Variants in NTF3 observed in about 807,000 individuals in gnomAD.
NTF3 encodes neurotrophin-3.
A neutral mutation model predicts 26.3 loss-of-function variants in NTF3; 8 were observed. That is an observed-to-expected ratio of 0.30 (90% CI 0.18 to 0.55). The LOEUF is 0.55. Ranked by LOEUF, NTF3 falls within the 20% of genes least tolerant of loss-of-function variation. The pLI, the probability that NTF3 is intolerant of heterozygous loss-of-function variation, is 0.93. For missense variants in NTF3, 276 were observed against 352.9 expected (o/e 0.78, Z 1.75); for synonymous variants, 154 against 145.5 (o/e 1.06, Z -0.42).
chr12:5,436,017 G>A (rs565354598), intron 1 of NTF3, among the ~76,000 whole-genome samples: 2 of 152,170 alleles, frequency 1.3e-5, no homozygotes, highest in South Asian at 2.1e-4. Context: ...CATCTTTAGC[G>A]AAAAAAGGTG....
At chr12:5,449,755 G>A (rs1268456068) in intron 1 of NTF3, among the ~76,000 whole-genome samples, 1 of 152,202 alleles carries the variant, frequency 6.6e-6, no homozygotes, top group Non-Finnish European at 1.5e-5. Context: ...ACTGGTTTGT[G>A]AAACCCCAGG....
intron 1 of NTF3, among the ~76,000 whole-genome samples, chr12:5,489,365 A>C (rs1347552731): frequency 1.3e-5 from 2 of 152,160 alleles, no homozygotes; most frequent in East Asian, 3.9e-4. Flanking sequence ...AACTCTCTAG[A>C]ATGTTTGAGA....
intron 1 of NTF3, among the ~76,000 whole-genome samples, chr12:5,487,865 T>A (rs1940886336): frequency 6.6e-6 from 1 of 152,176 alleles, no homozygotes; most frequent in Admixed American, 6.5e-5. Flanking sequence ...ACTAGCTGTT[T>A]CTCCTCTAGC....
upstream of NTF3, among the ~76,000 whole-genome samples, chr12:5,431,536 C>G (rs1474449139): frequency 1.3e-5 from 2 of 151,054 alleles, no homozygotes; most frequent in African/African-American, 2.4e-5. Context: ...TGGGCGTGTT[C>G]GTGCTGTGGG....
At chr12:5,430,989 T>TC (rs1297851253), upstream of NTF3, among the ~76,000 whole-genome samples, 1 of 151,554 alleles carries the variant, frequency 6.6e-6, no homozygotes, top group Non-Finnish European at 1.5e-5. Flanking sequence ...GTGGTATTTT[T>TC]CCCCCTTCTC....
At chr12:5,443,428 G>C (rs1008876324) in intron 1 of NTF3, among the ~76,000 whole-genome samples, 2 of 152,176 alleles carry the variant, frequency 1.3e-5, no homozygotes, top group Non-Finnish European at 2.9e-5. Flanking sequence ...GCAGGAGAGA[G>C]AGAATTTCCC....
chr12:5,448,875 C>A (rs1255386015), intron 1 of NTF3, among the ~76,000 whole-genome samples: 1 of 152,200 alleles, frequency 6.6e-6, no homozygotes, highest in Non-Finnish European at 1.5e-5. Flanking sequence ...TGCCCAGTGA[C>A]TTAATGGGCA....
Position 5,494,608 on chromosome 12 carries a change from A to G in NTF3, c.433A>G (p.Arg145Gly), listed in dbSNP as rs1204465585. Residue 145 changes from arginine (R) to glycine (G), a missense_variant, in exon 2 of 2, where the codon AGA (arginine) becomes GGA (glycine). Physicochemically the swap from Arg to Gly is moderately radical, Grantham distance 125. Coordinates refer to ENST00000423158, the MANE Select transcript of NTF3 (RefSeq NM_001102654.2). The surrounding 1 kb of genome is among the most constrained non-coding windows in gnomAD (Gnocchi z 8.3). ...DYVGSPVVAN[R>G]TSRRKRYAEH... is the part of the protein sequence containing the mutation. ...CGTGGGCAGCCCCGTGGTGGCGAAC[A>G]GAACATCACGGCGGAAACGGTACGC... 2 of 1,614,144 alleles carry G rather than the reference A, an allele frequency of 1.2e-6. No homozygotes were observed. The highest frequency in any genetic ancestry group is 1.1e-5 in the South Asian group (1 of 91,074).
At chr12:5,483,256 T>G (rs2121239941) in intron 1 of NTF3, among the ~76,000 whole-genome samples, 1 of 152,182 alleles carries the variant, frequency 6.6e-6, no homozygotes, top group African/African-American at 2.4e-5. Flanking sequence ...GAAGTCTCCA[T>G]GAGCAGTGGG....
chr12:5,471,324 C>T lies in NTF3; in HGVS notation c.19-22870C>T, dbSNP rs532686108. Among the ~76,000 whole-genome samples the T allele has an allele frequency of 2.2e-4, 34 of 152,234 alleles. No homozygotes were observed. In the South Asian group the frequency reaches 3.3e-3, roughly 15 times the overall value. On this transcript the variant is annotated intron_variant, in intron 1 of 1. Transcript: ENST00000423158. ...CATTTTCCTTGTCGGGCTTTAGTTC[C>T]CTTATCTGTCACACAGAAGCACTGT...
chr12:5,461,272 C>T lies in NTF3; in HGVS notation c.18+28930C>T, dbSNP rs76575529. On this transcript the variant is annotated intron_variant, in intron 1 of 1. Transcript: ENST00000423158. Reference sequence around the variant, plus strand: ...CAGCATAGTCTGATTCGAGTTTAATCGCTTTAAAGGAGGCCCTGGGTAGGA... The same window carrying T: ...CAGCATAGTCTGATTCGAGTTTAATTGCTTTAAAGGAGGCCCTGGGTAGGA... 6.1e-3 allele frequency among the ~76,000 whole-genome samples: 922 copies of T among 152,242 alleles called. 10 individuals are homozygous for T. The highest frequency in any genetic ancestry group is 0.018 in the African/African-American group (743 of 41,522).
intron 1 of NTF3, among the ~76,000 whole-genome samples, chr12:5,482,173 C>T (rs1407408233): frequency 6.6e-6 from 1 of 151,978 alleles, no homozygotes; most frequent in Non-Finnish European, 1.5e-5. Flanking sequence ...CGTACACGAG[C>T]GCGCACACAC....
rs1940121463 is a variant in NTF3, at chr12:5,433,237, C to T, written c.18+895C>T. The T allele has an allele frequency of 6.6e-6, 1 of 152,146 alleles. No individual in the cohort carries two copies. The highest frequency in any genetic ancestry group is 2.4e-5 in the African/African-American group (1 of 41,426). 9.4% of individuals were successfully genotyped at this position (152,146 alleles called of 1,614,324 possible). ...CGGCGGGCACCCGGGCCCGGCCATC[C>T]CAGGGGATCTCCTTGCGGTATCGTC... On this transcript the variant is annotated intron_variant, in intron 1 of 1. Transcript: ENST00000423158. The surrounding 1 kb of genome is among the most constrained non-coding windows in gnomAD (Gnocchi z 4.6).
intron 1 of NTF3, among the ~76,000 whole-genome samples, chr12:5,475,379 G>A (rs983720145): frequency 6.6e-6 from 1 of 152,166 alleles, no homozygotes; most frequent in Admixed American, 6.5e-5. Context: ...GTGCAGGTGG[G>A]GATGATGGAC....
At chr12:5,459,564 C>A (rs993144119) in intron 1 of NTF3, among the ~76,000 whole-genome samples, 13 of 152,204 alleles carry the variant, frequency 8.5e-5, no homozygotes, top group Non-Finnish European at 1.5e-4. Context: ...CAGGGAGGAA[C>A]GTGCATATTG....
chr12:5,492,634 C>T (rs1940952070), intron 1 of NTF3, among the ~76,000 whole-genome samples: 2 of 152,168 alleles, frequency 1.3e-5, no homozygotes, highest in Non-Finnish European at 2.9e-5. Context: ...TTGGCTTTGA[C>T]CTTGAAGGAG....
At chr12:5,476,393 C>T (rs938332801) in intron 1 of NTF3, among the ~76,000 whole-genome samples, 2 of 152,052 alleles carry the variant, frequency 1.3e-5, no homozygotes, top group Admixed American at 6.6e-5. Flanking sequence ...GGAGGGAAGA[C>T]CTGAAATGAG....
intron 1 of NTF3, among the ~76,000 whole-genome samples, chr12:5,487,059 TC>T (rs1940875542): frequency 6.6e-6 from 1 of 152,214 alleles, no homozygotes; most frequent in South Asian, 2.1e-4. Context: ...TGCAGATCCT[TC>T]CTAGTCCACC....
At chr12:5,444,796 T>G (rs1940283711) in intron 1 of NTF3, among the ~76,000 whole-genome samples, 1 of 152,100 alleles carries the variant, frequency 6.6e-6, no homozygotes, top group Admixed American at 6.6e-5. Context: ...AAGAAAGGAA[T>G]GGCTGATGGT....
Sources: gnomAD v4.1 joint callset for allele counts (sites outside exome capture counted in the v4.1 genomes callset) on GRCh38, gnomAD v4.1.1 for gene constraint, Gnocchi (gnomAD v3.1) non-coding constraint, MANE v1.5 for transcripts, NCBI Gene and HGNC (gene_info 2026-07-23, HGNC 2026-07-21) for gene names.